The following MYT1L variants were observed in gnomAD, a reference collection of about 807,000 sequenced individuals.
The protein encoded by MYT1L is myelin transcription factor 1-like protein.
In MYT1L, 12 loss-of-function variants were observed where a neutral mutation model predicts 126.7. The observed-to-expected ratio is 0.09, with a 90% CI of 0.06 to 0.15. The LOEUF is 0.15. MYT1L is among the 10% of genes least tolerant of loss of function. The pLI is 1.00. For missense variants in MYT1L, 979 were observed against 1,585.2 expected (o/e 0.62, Z 6.49); for synonymous variants, 541 against 604.2 (o/e 0.90, Z 1.53).
intron 18 of MYT1L, among the ~76,000 whole-genome samples, chr2:1,874,843 A>T (rs1026027020): frequency 4.6e-5 from 7 of 151,942 alleles, no homozygotes; most frequent in Non-Finnish European, 1.0e-4. Context: ...GGGCAACGGG[A>T]TTTTCAGGCT....
intron 4 of MYT1L, among the ~76,000 whole-genome samples, chr2:2,026,855 C>A (rs960258126): frequency 1.3e-5 from 2 of 152,170 alleles, no homozygotes; most frequent in African/African-American, 4.8e-5. Flanking sequence ...CTTGAGAAAA[C>A]CTGCCCCTCT....
intron 18 of MYT1L, among the ~76,000 whole-genome samples, chr2:1,885,771 C>A (rs2148825369): frequency 6.6e-6 from 1 of 152,222 alleles, no homozygotes; most frequent in South Asian, 2.1e-4. Context: ...CAGGTCTCAC[C>A]CTCTTTCCCT....
At chr2:2,143,289 CAAA>C (rs781544456) in intron 3 of MYT1L, among the ~76,000 whole-genome samples, 136 of 55,030 alleles carry the variant, frequency 2.5e-3, no homozygotes, top group Middle Eastern at 0.01. Context: ...GACTCCGTCT[CAAA>C]AAAAAAAAAA....
intron 18 of MYT1L, among the ~76,000 whole-genome samples, chr2:1,881,715 T>C (rs1335612012): frequency 2.0e-5 from 3 of 151,984 alleles, no homozygotes; most frequent in African/African-American, 7.3e-5. Flanking sequence ...ACTGGGCGGG[T>C]CTCAGCTCAG....
chr2:2,107,895 G>C (rs2078945261), intron 3 of MYT1L, among the ~76,000 whole-genome samples: 1 of 152,144 alleles, frequency 6.6e-6, no homozygotes, highest in Non-Finnish European at 1.5e-5. Context: ...TGCACACACG[G>C]AGCTGCTTGT....
intron 3 of MYT1L, among the ~76,000 whole-genome samples, chr2:2,107,719 G>A (rs1394844743): frequency 6.6e-6 from 1 of 152,028 alleles, no homozygotes. Flanking sequence ...AGAATAATGG[G>A]CTGTGTTTAA....
intron 3 of MYT1L, among the ~76,000 whole-genome samples, chr2:2,158,864 G>A (rs1486669291): frequency 6.6e-6 from 1 of 151,726 alleles, no homozygotes; most frequent in Non-Finnish European, 1.5e-5. Flanking sequence ...TCCAGGGAAG[G>A]GGTGATGGGG....
rs376783058 is a variant in MYT1L at position 1,976,279 on chromosome 2, G to T, written c.152+2886C>A. On this transcript the variant is annotated intron_variant, in intron 8 of 24. Transcript: ENST00000647738. The stretch of plus-strand genomic sequence containing the variant: ...GTGTTCACAGAGGGTGTGCCGGCAT[G>T]AATGGGCAAGAATAGCTGTCAGGAA... Among the ~76,000 whole-genome samples, 12 of 152,344 alleles carry T rather than the reference G, an allele frequency of 7.9e-5. No individual in the cohort carries two copies. The East Asian group carries it at 1.7e-3, about 22-fold the overall frequency.
At chr2:2,180,192 A>G (rs1303221398) in intron 2 of MYT1L, among the ~76,000 whole-genome samples, 2 of 152,114 alleles carry the variant, frequency 1.3e-5, no homozygotes, top group Non-Finnish European at 2.9e-5. Flanking sequence ...AACAATAATG[A>G]TAATAGAGTT....
chr2:2,168,605 G>A (rs1469839195), intron 3 of MYT1L, among the ~76,000 whole-genome samples: 1 of 152,166 alleles, frequency 6.6e-6, no homozygotes, highest in Non-Finnish European at 1.5e-5. Flanking sequence ...GCTGAGAGCT[G>A]GGTACACAAA....
intron 4 of MYT1L, among the ~76,000 whole-genome samples, chr2:2,002,556 G>T (rs900145871): frequency 6.6e-6 from 1 of 152,192 alleles, no homozygotes; most frequent in African/African-American, 2.4e-5. Context: ...GTGACTGAAG[G>T]CCTTCGGTGG....
At chr2:2,220,624 C>G (rs1409411500) in intron 2 of MYT1L, among the ~76,000 whole-genome samples, 1 of 152,076 alleles carries the variant, frequency 6.6e-6, no homozygotes, top group East Asian at 1.9e-4. Context: ...GGCACATTTT[C>G]CCCCACAAAG....
intron 2 of MYT1L, among the ~76,000 whole-genome samples, chr2:2,185,197 T>G (rs539839655): frequency 3.9e-5 from 6 of 152,310 alleles, no homozygotes; most frequent in Admixed American, 3.3e-4. Flanking sequence ...AGGCCTAGAC[T>G]TAAAAATAAT....
intron 19 of MYT1L, chr2:1,841,522 G>C (rs1166290437): frequency 1.3e-5 from 2 of 152,208 alleles, no homozygotes; most frequent in Non-Finnish European, 2.9e-5. Flanking sequence ...TCCTCTCCAA[G>C]GCTCTAGGCA....
intron 9 of MYT1L, among the ~76,000 whole-genome samples, chr2:1,933,339 T>A (rs2055284069): frequency 6.6e-6 from 1 of 152,088 alleles, no homozygotes; most frequent in Non-Finnish European, 1.5e-5. Context: ...GCGACACAGA[T>A]TCTAGCCCCA....
At chr2:1,883,304 T>C (rs1011718693) in intron 18 of MYT1L, among the ~76,000 whole-genome samples, 26 of 152,202 alleles carry the variant, frequency 1.7e-4, no homozygotes, top group African/African-American at 6.3e-4. Flanking sequence ...ACATTGGTCA[T>C]ACCTACACCA....
intron 4 of MYT1L, among the ~76,000 whole-genome samples, chr2:2,014,401 C>T (rs915855656): frequency 2.0e-4 from 30 of 152,182 alleles, no homozygotes; most frequent in African/African-American, 6.8e-4. Flanking sequence ...CCCTTCACTG[C>T]TGACAGCCCT....
intron 1 of MYT1L, among the ~76,000 whole-genome samples, chr2:2,295,583 GACAGACAGAC>G (rs2095663776): frequency 1.9e-5 from 2 of 105,434 alleles, no homozygotes; most frequent in Admixed American, 8.8e-5. Flanking sequence ...GAGAGAGAGA[GACAGACAGAC>G]AGAGAGAGAG....
chr2:2,216,680 G>C lies in MYT1L; in HGVS notation c.-420-43692C>G, dbSNP rs183190329. On this transcript the variant is annotated intron_variant, in intron 2 of 24. Transcript: ENST00000647738. The stretch of plus-strand genomic sequence containing the variant: ...TATAAAGATCAGCACAAAAATCTGT[G>C]AAATAAAAAACAGAAAACAATAGAG... Among the ~76,000 whole-genome samples the C allele has an allele frequency of 2.6e-4, 40 of 152,124 alleles. No homozygotes were observed. The East Asian group carries it at 6.2e-3, about 24-fold the overall frequency.
Sources: gnomAD v4.1 joint callset for allele counts (sites outside exome capture counted in the v4.1 genomes callset) on GRCh38, gnomAD v4.1.1 for gene constraint, MANE v1.5 for transcripts, NCBI Gene and HGNC (gene_info 2026-07-23, HGNC 2026-07-21) for gene names.